Variants in KIRREL3 observed in about 807,000 individuals in gnomAD.
KIRREL3 encodes the protein kin of IRRE-like protein 3.
Under a neutral mutation model 89.7 loss-of-function variants are expected in KIRREL3, and 36 were observed. That is an observed-to-expected ratio of 0.40 (90% CI 0.31 to 0.53). KIRREL3 has a LOEUF of 0.53. KIRREL3 is among the 20% of genes least tolerant of loss of function. KIRREL3 has a pLI of 0.49. For synonymous variants in KIRREL3, 445 were observed against 441.4 expected, an observed-to-expected ratio of 1.01 and a Z score of -0.10; for missense variants, 864 against 1,056.6, an observed-to-expected ratio of 0.82 and a Z score of 2.53.
rs993954344 is a variant in KIRREL3, at chr11:126,537,637, A to G, written c.134-10950T>C. ...AACACAGGGTCAGTCAGCCCTAGGA[A>G]GGAACTCTGGCCCTGTACCTAGCAG... On this transcript the variant is annotated intron_variant, in intron 2 of 16. Coordinates refer to ENST00000525144, the MANE Select transcript of KIRREL3 (RefSeq NM_032531.4). This position sits in a 1 kb window ranked among gnomAD's most constrained non-coding sequence, Gnocchi z 4.3. Among the ~76,000 whole-genome samples, 3 of 152,212 alleles carry G rather than the reference A, an allele frequency of 2.0e-5. No individual in the cohort carries two copies. Among genetic ancestry groups the G allele is most frequent in the Non-Finnish European group, 4.4e-5 (3 of 68,042 alleles).
intron 1 of KIRREL3, among the ~76,000 whole-genome samples, chr11:126,784,853 C>T (rs1459767936): frequency 6.6e-6 from 1 of 152,196 alleles, no homozygotes; most frequent in African/African-American, 2.4e-5. Flanking sequence ...GAAATAAAAG[C>T]ATAGTCAATT....
At chr11:126,502,118 G>A (rs1957884561) in intron 4 of KIRREL3, among the ~76,000 whole-genome samples, 1 of 152,242 alleles carries the variant, frequency 6.6e-6, no homozygotes, top group African/African-American at 2.4e-5. Flanking sequence ...GAAGCTAACC[G>A]GATCCATCCA....
chr11:126,462,376 TA>T lies in KIRREL3; in HGVS notation c.742+780del, dbSNP rs1276572590. The stretch of plus-strand genomic sequence containing the variant: ...TTCTCCAAACAGTTGTTGTAAAGAT[TA>T]AATAAGGCCAGGCGAAGTGGCTCAC... On this transcript the variant is annotated intron_variant, in intron 6 of 16. Transcript: ENST00000525144. The surrounding 1 kb of genome is among the most constrained non-coding windows in gnomAD (Gnocchi z 4.8). Among the ~76,000 whole-genome samples the T allele has an allele frequency of 6.6e-6, 1 of 152,114 alleles. No individual in the cohort carries two copies. Among genetic ancestry groups the T allele is most frequent in the Non-Finnish European group, 1.5e-5 (1 of 68,030 alleles).
chr11:126,856,445 A>C (rs981220269), intron 1 of KIRREL3, among the ~76,000 whole-genome samples: 1 of 152,050 alleles, frequency 6.6e-6, no homozygotes. Context: ...CTTGCTCATG[A>C]TAGAATAATC....
At chr11:126,758,421 A>G (rs1242635090) in intron 1 of KIRREL3, among the ~76,000 whole-genome samples, 3 of 152,244 alleles carry the variant, frequency 2.0e-5, no homozygotes, top group Admixed American at 2.0e-4. Flanking sequence ...AAGTCAAATG[A>G]ATTTCTGATA....
chr11:126,904,635 C>T lies in KIRREL3; in HGVS notation c.55+95820G>A, dbSNP rs1306403198. On this transcript the variant is annotated intron_variant, in intron 1 of 16. Coordinates refer to ENST00000525144, the MANE Select transcript of KIRREL3 (RefSeq NM_032531.4). The surrounding 1 kb of genome is among the most constrained non-coding windows in gnomAD (Gnocchi z 4.4). ...AAAAGAAATAATCTGTCTTACAAGGCTGTTCTTACTTATACCAAGAACAAT... is the reference window on the plus strand; with the variant it reads ...AAAAGAAATAATCTGTCTTACAAGGTTGTTCTTACTTATACCAAGAACAAT... 6.6e-6 allele frequency among the ~76,000 whole-genome samples: 1 copy of T among 152,198 alleles called. No individual in the cohort carries two copies. Among genetic ancestry groups the T allele is most frequent in the Non-Finnish European group, 1.5e-5 (1 of 68,030 alleles).
chr11:126,823,176 CT>C (rs988282914), intron 1 of KIRREL3, among the ~76,000 whole-genome samples: 1 of 152,162 alleles, frequency 6.6e-6, no homozygotes, highest in Admixed American at 6.5e-5. Context: ...ATTCTGGATT[CT>C]ACTAACATTG....
chr11:126,858,031 G>C (rs769883599), intron 1 of KIRREL3, among the ~76,000 whole-genome samples: 2 of 152,188 alleles, frequency 1.3e-5, no homozygotes, highest in Non-Finnish European at 2.9e-5. Context: ...CTGGCACCCA[G>C]CCAGGTCCCC....
At chr11:126,798,161 C>T (rs1277134495) in intron 1 of KIRREL3, among the ~76,000 whole-genome samples, 1 of 144,226 alleles carries the variant, frequency 6.9e-6, no homozygotes. Context: ...TTCTGCTTCC[C>T]TGATTCATGA....
At position 126,564,918 on chromosome 11, in the gene KIRREL3, C is replaced by A. The variant is rs1229378828; in HGVS notation, c.56-2006G>T. On this transcript the variant is annotated intron_variant, in intron 1 of 16. Transcript: ENST00000525144. This position sits in a 1 kb window ranked among gnomAD's most constrained non-coding sequence, Gnocchi z 7.4. ...AACCAGCCCATTGTAATTGCACACG[C>A]ATTGTTCATCATTAGAATGATACAA... 6.6e-6 allele frequency among the ~76,000 whole-genome samples: 1 copy of A among 152,180 alleles called. No individual in the cohort carries two copies. The highest frequency in any genetic ancestry group is 1.5e-5 in the Non-Finnish European group (1 of 68,042).
chr11:126,477,069 G>A lies in KIRREL3; in HGVS notation c.434-3603C>T, dbSNP rs1957087226. ...GGGGCACTGAAGCCTGGGGAGGACT[G>A]AGCGGATCCCAGGCAGAGTGGGTCC... On this transcript the variant is annotated intron_variant, in intron 4 of 16. Coordinates refer to ENST00000525144, the MANE Select transcript of KIRREL3 (RefSeq NM_032531.4). The surrounding 1 kb of genome is among the most constrained non-coding windows in gnomAD (Gnocchi z 4.8). Among the ~76,000 whole-genome samples the A allele has an allele frequency of 6.6e-6, 1 of 152,264 alleles. No individual in the cohort carries two copies. Among genetic ancestry groups the A allele is most frequent in the East Asian group, 1.9e-4 (1 of 5,202 alleles).
At chr11:126,901,196 A>G (rs1004395021) in intron 1 of KIRREL3, among the ~76,000 whole-genome samples, 3 of 141,876 alleles carry the variant, frequency 2.1e-5, no homozygotes, top group Non-Finnish European at 4.5e-5. Context: ...CCTGGGTAAC[A>G]GAGCGAGATT....
intron 1 of KIRREL3, among the ~76,000 whole-genome samples, chr11:126,886,518 AAC>A (rs1313512357): frequency 6.6e-6 from 1 of 152,238 alleles, no homozygotes; most frequent in African/African-American, 2.4e-5. Context: ...TCTGCCTGAA[AAC>A]ACAGCCATGT....
chr11:126,571,055 A>C lies in KIRREL3; in HGVS notation c.56-8143T>G, dbSNP rs1282522893. ...TTGTCCTGAGTCCCACAGCTGGCAAATGGTGAGGCTTGCCGTACACCTCCA... is the reference window on the plus strand; with the variant it reads ...TTGTCCTGAGTCCCACAGCTGGCAACTGGTGAGGCTTGCCGTACACCTCCA... On this transcript the variant is annotated intron_variant, in intron 1 of 16. Transcript: ENST00000525144. The surrounding 1 kb of genome is among the most constrained non-coding windows in gnomAD (Gnocchi z 7.7). 1.3e-5 allele frequency among the ~76,000 whole-genome samples: 2 copies of C among 152,122 alleles called. No individual in the cohort carries two copies. Among genetic ancestry groups the C allele is most frequent in the African/African-American group, 4.8e-5 (2 of 41,414 alleles).
chr11:126,661,716 G>A (rs1402508368), intron 1 of KIRREL3, among the ~76,000 whole-genome samples: 4 of 152,200 alleles, frequency 2.6e-5, no homozygotes, highest in Non-Finnish European at 4.4e-5. Context: ...TCACCTGAGG[G>A]AGCTAGAAAA....
At position 126,519,181 on chromosome 11, in the gene KIRREL3, G is replaced by C. The variant is rs913192772; in HGVS notation, c.433+2134C>G. On this transcript the variant is annotated intron_variant, in intron 4 of 16. Coordinates refer to ENST00000525144, the MANE Select transcript of KIRREL3 (RefSeq NM_032531.4). The surrounding 1 kb of genome is among the most constrained non-coding windows in gnomAD (Gnocchi z 4.3). ...TCAGGCCATGCCACCGGAGAGGAAG[G>C]GGGAGCGAATGCCTTTTAGACATGA... Among the ~76,000 whole-genome samples the C allele has an allele frequency of 6.6e-6, 1 of 152,232 alleles. No homozygotes were observed. Among genetic ancestry groups the C allele is most frequent in the Non-Finnish European group, 1.5e-5 (1 of 68,052 alleles).
rs754131921 is a variant in KIRREL3 at position 126,708,710 on chromosome 11, G to A, written c.56-145798C>T. Among the ~76,000 whole-genome samples the A allele has an allele frequency of 5.3e-5, 8 of 152,092 alleles. No individual in the cohort carries two copies. Among genetic ancestry groups the A allele is most frequent in the African/African-American group, 9.7e-5 (4 of 41,416 alleles). ...CCGGGACCTCCTCTCCCATTTCTCC[G>A]GGGCCTCCAGGGCCCTCCCGCACAT... On this transcript the variant is annotated intron_variant, in intron 1 of 16. Coordinates refer to ENST00000525144, the MANE Select transcript of KIRREL3 (RefSeq NM_032531.4). The surrounding 1 kb of genome is among the most constrained non-coding windows in gnomAD (Gnocchi z 5.7).
At position 126,608,415 on chromosome 11, in the gene KIRREL3, A is replaced by G. The variant is rs1486124803; in HGVS notation, c.56-45503T>C. Among the ~76,000 whole-genome samples the G allele has an allele frequency of 6.6e-6, 1 of 152,144 alleles. No homozygotes were observed. Among genetic ancestry groups the G allele is most frequent in the East Asian group, 1.9e-4 (1 of 5,180 alleles). On this transcript the variant is annotated intron_variant, in intron 1 of 16. Coordinates refer to ENST00000525144, the MANE Select transcript of KIRREL3 (RefSeq NM_032531.4). This position sits in a 1 kb window ranked among gnomAD's most constrained non-coding sequence, Gnocchi z 4.9. The stretch of plus-strand genomic sequence containing the variant: ...TTAAGCTGCCTAAGATCACCTCATT[A>G]AATTCACTAACCTTGCTTTTCCACC...
At chr11:126,910,729 A>G (rs746852845) in intron 1 of KIRREL3, among the ~76,000 whole-genome samples, 1 of 152,180 alleles carries the variant, frequency 6.6e-6, no homozygotes, top group Non-Finnish European at 1.5e-5. Flanking sequence ...CAACAAACTA[A>G]CCTACATGAA....
Sources: gnomAD v4.1 joint callset for allele counts (sites outside exome capture counted in the v4.1 genomes callset) on GRCh38, gnomAD v4.1.1 for gene constraint, Gnocchi (gnomAD v3.1) non-coding constraint, MANE v1.5 for transcripts, NCBI Gene and HGNC (gene_info 2026-07-23, HGNC 2026-07-21) for gene names.